RNASE4: variants seen among roughly 807,000 people sequenced by gnomAD.
RNASE4 encodes ribonuclease 4.
For missense variants in RNASE4, 194 were observed against 192.8 expected (o/e 1.01, Z -0.04); for synonymous variants, 93 against 71.4 (o/e 1.30, Z -1.52).
intron 1 of RNASE4, among the ~76,000 whole-genome samples, chr14:20,689,959 T>G (rs1398409681): frequency 3.3e-4 from 48 of 146,172 alleles, no homozygotes; most frequent in Admixed American, 3.3e-3. Flanking sequence ...CTCACGCCTG[T>G]AATCCCAGCA....
In RNASE4 at chr14:20,701,064, T is replaced by C. The variant is rs1278711789; in HGVS notation, c.*1249T>C. On this transcript the variant is annotated 3_prime_UTR_variant, in exon 2 of 2. Transcript: ENST00000555835. ...CAGAGCACCTTGTGACCCCCGCCCC[T>C]GCCCGCTAGAGAATAACCCACTTTG... 6.6e-6 allele frequency: 1 copy of C among 152,114 alleles called. No homozygotes were observed. The highest frequency in any genetic ancestry group is 1.5e-5 in the Non-Finnish European group (1 of 68,016). The allele number at this position is 152,114 out of a possible 1,614,324, so 9.4% of individuals were successfully genotyped here.
chr14:20,693,868 G>A, intron 1 of RNASE4: 1 of 1,614,178 alleles, frequency 6.2e-7, no homozygotes, highest in South Asian at 1.1e-5. Flanking sequence ...TTCTTTCCAG[G>A]TCACCACTTG....
chr14:20,689,436 A>G (rs1312039512), intron 1 of RNASE4, among the ~76,000 whole-genome samples: 1 of 152,234 alleles, frequency 6.6e-6, no homozygotes, highest in Non-Finnish European at 1.5e-5. Context: ...TAGGATGTAT[A>G]AAAGTGTGAA....
chr14:20,695,005 G>C (rs187162901), intron 1 of RNASE4, among the ~76,000 whole-genome samples: 1 of 152,246 alleles, frequency 6.6e-6, no homozygotes, highest in Non-Finnish European at 1.5e-5. Context: ...TCTTGTCATG[G>C]TTATTTTATA....
chr14:20,692,779 G>A (rs975770092), intron 1 of RNASE4, among the ~76,000 whole-genome samples: 4 of 152,140 alleles, frequency 2.6e-5, no homozygotes, highest in South Asian at 2.1e-4. Flanking sequence ...TCTCATCTCA[G>A]TACATTGAAG....
intron 1 of RNASE4, chr14:20,693,852 C>A (rs1329361436): frequency 6.2e-7 from 1 of 1,614,196 alleles, no homozygotes; most frequent in Admixed American, 1.7e-5. Context: ...TAAGAATAAG[C>A]AAGTCTTCTT....
chr14:20,699,716 C>T lies in RNASE4; in HGVS notation c.345C>T (p.Ser115=), dbSNP rs34825966. Residue 115 remains serine, a synonymous_variant, in exon 2 of 2, where the codon TCC becomes TCT. Coordinates refer to ENST00000555835, the MANE Select transcript of RNASE4 (RefSeq NM_002937.5). ...CAGATTGCAGGGACACAGGAAGTTC[C>T]AGGGCACCCAACTGCAGATATCGGG... The part of the protein sequence containing the change: ...KVTDCRDTGS[S]RAPNCRYRAI... 251 of 1,610,188 alleles carry T rather than the reference C, an allele frequency of 1.6e-4. 1 individual carries two copies. The African/African-American group carries it at 3.0e-3, about 19-fold the overall frequency.
intron 1 of RNASE4, among the ~76,000 whole-genome samples, chr14:20,688,313 G>T (rs1010458): frequency 2.6e-5 from 4 of 152,004 alleles, no homozygotes; most frequent in Admixed American, 2.6e-4. Context: ...CTTAGCATCC[G>T]TTCATGAAAC....
At chr14:20,685,542 T>G (rs1039636153) in intron 1 of RNASE4, among the ~76,000 whole-genome samples, 1 of 152,212 alleles carries the variant, frequency 6.6e-6, no homozygotes, top group Non-Finnish European at 1.5e-5. Context: ...AAGACTTACT[T>G]AACCACAGAG....
chr14:20,699,790 A>G lies in RNASE4; in HGVS notation c.419A>G (p.Gln140Arg). The G allele has an allele frequency of 1.2e-6, 2 of 1,612,658 alleles. No individual in the cohort carries two copies. Among genetic ancestry groups the G allele is most frequent in the Non-Finnish European group, 8.5e-7 (1 of 1,179,946 alleles). ...GTCATTGCCTGTGAGGGTAACCCACAGGTGCCTGTGCACTTTGACGGTTAG... is the reference window on the plus strand; with the variant it reads ...GTCATTGCCTGTGAGGGTAACCCACGGGTGCCTGTGCACTTTGACGGTTAG... The part of the protein sequence containing the change: ...RVVIACEGNP[Q>R]VPVHFDG The change falls in exon 2 of 2, where the codon CAG (glutamine) becomes CGG (arginine). Residue 140 changes from glutamine to arginine, a missense_variant. By Grantham distance (43) the Gln-to-Arg change is conservative. Transcript: ENST00000555835.
chr14:20,690,898 C>G (rs181648791), intron 1 of RNASE4, among the ~76,000 whole-genome samples: 4 of 152,220 alleles, frequency 2.6e-5, no homozygotes, highest in Non-Finnish European at 5.9e-5. Flanking sequence ...TGTTCATCCA[C>G]GATCACGTGG....
rs370454942 is a variant in RNASE4 at position 20,699,604 on chromosome 14, T to C, written c.233T>C (p.Ile78Thr). 6.3e-5 allele frequency: 102 copies of C among 1,613,962 alleles called. No individual in the cohort carries two copies. The highest frequency in any genetic ancestry group is 4.9e-4 in the Middle Eastern group (3 of 6,084). Reference sequence around the variant, plus strand: ...TTCAACACCTTCATCCATGAAGATATCTGGAACATTCGTAGTATCTGCAGC... The same window carrying C: ...TTCAACACCTTCATCCATGAAGATACCTGGAACATTCGTAGTATCTGCAGC... ...KRFNTFIHED[I>T]WNIRSICSTT... Residue 78 changes from isoleucine (I) to threonine (T), a missense_variant, in exon 2 of 2, where the codon ATC (isoleucine) becomes ACC (threonine). By Grantham distance (89) the Ile-to-Thr change is moderately conservative (BLOSUM62 -1). Coordinates refer to ENST00000555835, the MANE Select transcript of RNASE4 (RefSeq NM_002937.5).
chr14:20,697,978 C>T (rs1183890149), intron 1 of RNASE4, among the ~76,000 whole-genome samples: 1 of 152,192 alleles, frequency 6.6e-6, no homozygotes, highest in Admixed American at 6.5e-5. Flanking sequence ...CTTGATTAAA[C>T]TCTGCTGCTG....
chr14:20,699,287 A>G, intron 1 of RNASE4, 68 bp from the exon 2 acceptor site: 3 of 1,371,488 alleles, frequency 2.2e-6, no homozygotes, highest in Non-Finnish European at 3.0e-6. Context: ...CCGGCTTGCT[A>G]TTCTCAACAC....
At chr14:20,692,590 C>T (rs554824296) in intron 1 of RNASE4, among the ~76,000 whole-genome samples, 31 of 152,320 alleles carry the variant, frequency 2.0e-4, no homozygotes, top group African/African-American at 7.2e-4. Context: ...ATTGTGCACT[C>T]TTTATGAGAA....
At chr14:20,691,147 G>A (rs1338747007) in intron 1 of RNASE4, among the ~76,000 whole-genome samples, 1 of 152,152 alleles carries the variant, frequency 6.6e-6, no homozygotes, top group Admixed American at 6.5e-5. Flanking sequence ...ATACAGCATT[G>A]GCACCTCCTG....
chr14:20,690,544 G>A (rs571259903), intron 1 of RNASE4, among the ~76,000 whole-genome samples: 4 of 152,260 alleles, frequency 2.6e-5, no homozygotes, highest in South Asian at 2.1e-4. Flanking sequence ...TTTGGTGTAC[G>A]CTTGCTGAGA....
intron 1 of RNASE4, among the ~76,000 whole-genome samples, chr14:20,695,169 G>A (rs969573499): frequency 3.3e-5 from 5 of 152,148 alleles, no homozygotes; most frequent in East Asian, 1.9e-4. Context: ...AGCTGAGGCG[G>A]ACAGATCACG....
intron 1 of RNASE4, among the ~76,000 whole-genome samples, chr14:20,692,562 C>T (rs1886820635): frequency 6.6e-6 from 1 of 152,216 alleles, no homozygotes; most frequent in Non-Finnish European, 1.5e-5. Context: ...TTGTGAACTG[C>T]GCATGTGCGG....
Sources: allele counts gnomAD v4.1 joint callset (sites outside exome capture counted in the v4.1 genomes callset), GRCh38; gene constraint gnomAD v4.1.1; transcripts MANE v1.5; gene names NCBI Gene and HGNC (gene_info 2026-07-23, HGNC 2026-07-21).